Variants in NTRK3 observed in about 807,000 individuals in gnomAD.
NTRK3 encodes NT-3 growth factor receptor.
NTRK3 carries 24 observed loss-of-function variants against 91.7 expected under a neutral mutation model. The ratio of observed to expected loss-of-function variants is 0.26; its 90% CI spans 0.19 to 0.37. The LOEUF is 0.37. NTRK3 is among the 10% of genes least tolerant of loss of function. NTRK3 has a pLI of 1.00. For synonymous variants in NTRK3, 483 were observed against 404.0 expected (o/e 1.20, Z -2.34); for missense variants, 880 against 1,068.9 (o/e 0.82, Z 2.46).
chr15:88,239,302 C>T (rs894980442), intron 3 of NTRK3, among the ~76,000 whole-genome samples: 3 of 152,114 alleles, frequency 2.0e-5, no homozygotes, highest in Admixed American at 1.3e-4. Flanking sequence ...AGAGGATTCC[C>T]ATGGGGAATA....
chr15:87,991,112 C>A (rs954006150), intron 14 of NTRK3, among the ~76,000 whole-genome samples: 8 of 152,138 alleles, frequency 5.3e-5, no homozygotes, highest in Non-Finnish European at 1.2e-4. Flanking sequence ...CCATCCCACA[C>A]CCCCCATGAC....
intron 11 of NTRK3, 112 bp downstream of exon 11, chr15:88,128,599 G>T: frequency 1.7e-6 from 2 of 1,149,538 alleles, no homozygotes; most frequent in Non-Finnish European, 2.6e-6. Flanking sequence ...GATGCCCTCA[G>T]CTGCCATGGG....
At chr15:88,212,759 C>CAT (rs1555555878) in intron 3 of NTRK3, among the ~76,000 whole-genome samples, 59 of 101,276 alleles carry the variant, frequency 5.8e-4, no homozygotes, top group East Asian at 4.7e-3. Context: ...CACACACACA[C>CAT]ATCCCAGGCC....
At chr15:88,028,898 A>G (rs2078280652) in intron 14 of NTRK3, among the ~76,000 whole-genome samples, 1 of 152,220 alleles carries the variant, frequency 6.6e-6, no homozygotes, top group Non-Finnish European at 1.5e-5. Context: ...CTGAGAAAGC[A>G]GCAAGCAGTC....
In NTRK3 at chr15:88,013,067, A is replaced by C. The variant is rs62019239; in HGVS notation, c.1585+19790T>G. Among the ~76,000 whole-genome samples the C allele has an allele frequency of 1.5e-3, 195 of 128,866 alleles. 5 individuals carry two copies. Among genetic ancestry groups the C allele is most frequent in the African/African-American group, 5.3e-3 (179 of 33,504 alleles). The allele number at this position is 128,866 out of a possible 152,430, so 84.5% of individuals were successfully genotyped here. A position where few individuals can be genotyped will look rare whatever the true frequency, so the allele number is the denominator to read the frequency against. On this transcript the variant is annotated intron_variant, in intron 14 of 18. Coordinates refer to ENST00000394480, the Ensembl canonical transcript of NTRK3. Reference sequence around the variant, plus strand: ...CAGCTGAAACCGTGCACTGGTAAAGACCCACTACCAGCAGCTGAAACCGTG... The same window carrying C: ...CAGCTGAAACCGTGCACTGGTAAAGCCCCACTACCAGCAGCTGAAACCGTG...
At chr15:87,979,032 T>C in intron 14 of NTRK3, 1 of 461,302 alleles carries the variant, frequency 2.2e-6, no homozygotes, top group South Asian at 2.8e-5. Context: ...GAATGGCTAG[T>C]GTATTTAAAA....
rs777384222 is a variant in NTRK3, at chr15:88,135,330, C to T, written c.975G>A (p.Val325=). 4 of 1,614,202 alleles carry T rather than the reference C, an allele frequency of 2.5e-6. No individual in the cohort carries two copies. In the South Asian group the frequency reaches 4.4e-5, roughly 18 times the overall value. ...GCAGCGTTGGTGGGGGGTTGCCACG[C>T]ACCACAAACTCGATGCAGTGCTCCA... Residue 325 remains valine (V), a synonymous_variant, in exon 10 of 19, where the codon GTG becomes GTA. Transcript: ENST00000394480.
intron 16 of NTRK3, 48 bp downstream of exon 16, chr15:87,932,964 G>T (rs374800962): frequency 6.2e-7 from 1 of 1,603,752 alleles, no homozygotes; most frequent in East Asian, 2.2e-5. Context: ...AACCCCAAGG[G>T]TTCGGTGGGA....
At position 87,872,564 on chromosome 15, in the gene NTRK3, A is replaced by T. The variant is rs1182132453; in HGVS notation, c.*4371T>A. On this transcript the variant is annotated 3_prime_UTR_variant, in exon 19 of 19. Coordinates refer to ENST00000394480, the Ensembl canonical transcript of NTRK3. ...GCCAAGTGTTAGCATGTTGGTTTTG[A>T]ACAGGGAAGGTTGACTAGCTGAGGG... 1.3e-5 allele frequency: 3 copies of T among 230,582 alleles called. No homozygotes were observed. The East Asian group carries it at 1.8e-4, about 14-fold the overall frequency. 14.3% of individuals were successfully genotyped at this position (230,582 alleles called of 1,614,324 possible).
rs945718514 is a variant in NTRK3, at chr15:88,150,306, C to T, written c.396-2903G>A. Among the ~76,000 whole-genome samples the T allele has an allele frequency of 3.2e-4, 49 of 152,186 alleles. 1 individual carries two copies. Among genetic ancestry groups the T allele is most frequent in the Non-Finnish European group, 2.5e-4 (17 of 68,026 alleles). On this transcript the variant is annotated intron_variant, in intron 5 of 18. Coordinates refer to ENST00000394480, the Ensembl canonical transcript of NTRK3. ...CAGAGAGCAGGCTGCCAGCGATGTC[C>T]TCTCACAAAGGTCATGCTTTGCTAC...
In NTRK3 at chr15:87,969,802, T is replaced by A. The variant is rs190555448; in HGVS notation, c.1586-29049A>T. Among the ~76,000 whole-genome samples, 126 of 152,286 alleles carry A rather than the reference T, an allele frequency of 8.3e-4. 2 individuals carry two copies. The highest frequency in any genetic ancestry group is 6.4e-3 in the East Asian group (33 of 5,184). ...GGCAGAGCTGCCTTCTTGAGATCAA[T>A]TTCAGAAAATCTTGCCGAGAACTCC... On this transcript the variant is annotated intron_variant, in intron 14 of 18. Coordinates refer to ENST00000394480, the Ensembl canonical transcript of NTRK3.
intron 13 of NTRK3, among the ~76,000 whole-genome samples, chr15:88,089,555 T>C (rs545998954): frequency 6.6e-6 from 1 of 152,328 alleles, no homozygotes; most frequent in South Asian, 2.1e-4. Flanking sequence ...GGGGGAAATG[T>C]CTATGACATA....
intron 12 of NTRK3, among the ~76,000 whole-genome samples, 169 bp from the exon 13 acceptor site, chr15:88,126,542 T>C (rs932794158): frequency 1.3e-5 from 2 of 152,204 alleles, no homozygotes; most frequent in Non-Finnish European, 2.9e-5. Flanking sequence ...ATGAGACCCT[T>C]AGAACATTTA....
chr15:88,245,298 C>T (rs2052713402), intron 3 of NTRK3, among the ~76,000 whole-genome samples: 1 of 152,174 alleles, frequency 6.6e-6, no homozygotes, highest in African/African-American at 2.4e-5. Context: ...CAGGCACCTA[C>T]CATAATCTCA....
In NTRK3 at chr15:88,028,766, C is replaced by T. The variant is rs577193456; in HGVS notation, c.1585+4091G>A. Among the ~76,000 whole-genome samples the T allele has an allele frequency of 9.9e-5, 15 of 152,278 alleles. No individual in the cohort carries two copies. The South Asian group carries it at 3.1e-3, about 32-fold the overall frequency. On this transcript the variant is annotated intron_variant, in intron 14 of 18. Transcript: ENST00000394480. The stretch of plus-strand genomic sequence containing the variant: ...GCAGTTGCCTCTCCCCAGATGGTCT[C>T]TGTTTTCTCAACCAAGAGTATGGGT...
At chr15:87,916,569 A>C (rs763588915) in intron 17 of NTRK3, 1 of 702,338 alleles carries the variant, frequency 1.4e-6, no homozygotes, top group South Asian at 1.5e-5. Context: ...ACCTTCAATG[A>C]GAGAAGAAAA....
chr15:87,906,617 A>G (rs531003128), intron 17 of NTRK3, among the ~76,000 whole-genome samples: 2 of 152,358 alleles, frequency 1.3e-5, no homozygotes, highest in South Asian at 4.1e-4. Flanking sequence ...GAATTTTCAG[A>G]TACGATTTCA....
At chr15:88,223,657 G>C (rs972061555) in intron 3 of NTRK3, among the ~76,000 whole-genome samples, 3 of 152,158 alleles carry the variant, frequency 2.0e-5, no homozygotes, top group Non-Finnish European at 2.9e-5. Flanking sequence ...CAACCTTTTG[G>C]GGTCTTCCTC....
In NTRK3 at chr15:88,235,339, G is replaced by C. The variant is rs1232986392; in HGVS notation, c.248+20567C>G. On this transcript the variant is annotated intron_variant, in intron 3 of 18. Transcript: ENST00000394480. This position sits in a 1 kb window ranked among gnomAD's most constrained non-coding sequence, Gnocchi z 5.2. ...GGCTCTGAGCTGGCAGGCTGGGCTG[G>C]TCGCTGGACCCACGCAGTCAGTACC... 1.3e-5 allele frequency among the ~76,000 whole-genome samples: 2 copies of C among 152,168 alleles called. No homozygotes were observed. Among genetic ancestry groups the C allele is most frequent in the Non-Finnish European group, 2.9e-5 (2 of 68,034 alleles).
Sources: gnomAD v4.1 joint callset for allele counts (sites outside exome capture counted in the v4.1 genomes callset) on GRCh38, gnomAD v4.1.1 for gene constraint, Gnocchi (gnomAD v3.1) non-coding constraint, MANE v1.5 for transcripts, NCBI Gene and HGNC (gene_info 2026-07-23, HGNC 2026-07-21) for gene names.